Variants in RBIS observed in about 807,000 individuals in gnomAD.
The protein encoded by RBIS is ribosome biogenesis factor identified in screen.
RBIS carries 9 observed loss-of-function variants against 9.8 expected under a neutral mutation model. The ratio of observed to expected loss-of-function variants is 0.92; its 90% CI spans 0.56 to 1.61. The LOEUF is 1.61. RBIS is among the 40% of genes most tolerant of loss of function. RBIS has a pLI of 0.00. For synonymous variants in RBIS, 35 were observed against 37.9 expected, an observed-to-expected ratio of 0.92 and a Z score of 0.28; for missense variants, 103 against 116.0, an observed-to-expected ratio of 0.89 and a Z score of 0.51.
chr8:85,216,972 A>C (rs1392222799), intron 2 of RBIS: 2 of 246,834 alleles, frequency 8.1e-6, no homozygotes, highest in African/African-American at 4.4e-5. Flanking sequence ...TTTTGTTTGA[A>C]TTGCAGATGT....
At chr8:85,217,270 C>A (rs946222009) in intron 2 of RBIS, 116 bp downstream of exon 2, 5 of 736,692 alleles carry the variant, frequency 6.8e-6, no homozygotes, top group East Asian at 2.6e-5. Flanking sequence ...ACCATCCTTA[C>A]CTTTCTAGGA....
At chr8:85,215,261 G>A (rs1587508760) in intron 2 of RBIS, 1 of 260,760 alleles carries the variant, frequency 3.8e-6, no homozygotes, top group East Asian at 8.0e-5. Context: ...TGGTTCAGAA[G>A]GCTAAAATAT....
intron 2 of RBIS, among the ~76,000 whole-genome samples, chr8:85,216,645 T>A (rs1410421927): frequency 1.3e-5 from 2 of 152,182 alleles, no homozygotes; most frequent in African/African-American, 4.8e-5. Flanking sequence ...ATATAAACTG[T>A]CATCCCCAAA....
intron 1 of RBIS, among the ~76,000 whole-genome samples, chr8:85,219,663 A>C (rs1813286985): frequency 6.6e-6 from 1 of 152,142 alleles, no homozygotes; most frequent in Admixed American, 6.6e-5. Context: ...AGACACGAGG[A>C]GGCGGAGGTT....
At chr8:85,220,114 G>A (rs188170806) in intron 1 of RBIS, among the ~76,000 whole-genome samples, 192 bp downstream of exon 1, 3 of 152,220 alleles carry the variant, frequency 2.0e-5, no homozygotes, top group Admixed American at 1.3e-4. Flanking sequence ...GCCCAAAACT[G>A]GGACCCCGTC....
intron 2 of RBIS, chr8:85,216,920 T>C (rs1160831651): frequency 5.8e-6 from 1 of 173,474 alleles, no homozygotes; most frequent in East Asian, 1.5e-4. Context: ...CCCTTTCAAA[T>C]TGTGCATTTC....
chr8:85,216,787 A>C (rs933450081), intron 2 of RBIS: 2 of 152,640 alleles, frequency 1.3e-5, no homozygotes, highest in African/African-American at 4.8e-5. Context: ...TATTATAATT[A>C]AACTGAGTCC....
chr8:85,220,331 T>C lies in RBIS; in HGVS notation c.-29A>G, dbSNP rs1813324250. On this transcript the variant is annotated 5_prime_UTR_variant, in exon 1 of 4. Coordinates refer to ENST00000619594, the MANE Select transcript of RBIS (RefSeq NM_001099673.3). Reference sequence around the variant, plus strand: ...CAGAAGTTTAACACTTGCGTGCAGCTTTTTAAGCTCCAGGTAACACCATCT... The same window carrying C: ...CAGAAGTTTAACACTTGCGTGCAGCCTTTTAAGCTCCAGGTAACACCATCT... The C allele has an allele frequency of 6.6e-6, 1 of 152,256 alleles. No individual in the cohort carries two copies. The highest frequency in any genetic ancestry group is 2.4e-5 in the African/African-American group (1 of 41,460). The allele number at this position is 152,256 out of a possible 1,614,324, so 9.4% of individuals were successfully genotyped here. A position where few individuals can be genotyped will look rare whatever the true frequency, so the allele number is the denominator to read the frequency against.
Position 85,214,242 on chromosome 8 carries a change from A to C in RBIS, c.*318T>G, listed in dbSNP as rs146137158. 94 of 551,170 alleles carry C rather than the reference A, an allele frequency of 1.7e-4. No individual in the cohort carries two copies. In the East Asian group the frequency reaches 4.1e-3, roughly 24 times the overall value. 34.1% of individuals were successfully genotyped at this position (551,170 alleles called of 1,614,324 possible). On this transcript the variant is annotated 3_prime_UTR_variant, in exon 4 of 4. Transcript: ENST00000619594. ...CTTGTCTTATATTTTTACTGCCACT[A>C]AACTGCCTGTATTTCTGTATGTCCT... is the stretch of plus-strand genomic sequence containing the variant.
intron 2 of RBIS, chr8:85,216,884 T>C (rs1813172471): frequency 6.4e-6 from 1 of 157,290 alleles, no homozygotes; most frequent in Non-Finnish European, 1.4e-5. Context: ...CTCAGGTATT[T>C]TGAAATATAA....
In RBIS at chr8:85,214,394, T is replaced by C. The variant is rs1813045417; in HGVS notation, c.*166A>G. 3 of 625,140 alleles carry C rather than the reference T, an allele frequency of 4.8e-6. No homozygotes were observed. The Admixed American group carries it at 9.1e-5, about 19-fold the overall frequency. 38.7% of individuals were successfully genotyped at this position (625,140 alleles called of 1,614,324 possible). On this transcript the variant is annotated 3_prime_UTR_variant, in exon 4 of 4. Transcript: ENST00000619594. ...AGCACTTTAAGTTTATCACATTTTGTTGACTTCTGACATTCCACTTTCCTA... is the reference window on the plus strand; with the variant it reads ...AGCACTTTAAGTTTATCACATTTTGCTGACTTCTGACATTCCACTTTCCTA...
intron 1 of RBIS, 158 bp from the exon 2 acceptor site, chr8:85,217,660 G>A (rs2129825778): frequency 1.6e-6 from 1 of 606,830 alleles, no homozygotes; most frequent in East Asian, 2.8e-5. Flanking sequence ...TTCACTCCTA[G>A]TAGATTTTCT....
chr8:85,214,162 G>A lies in RBIS; in HGVS notation c.*398C>T, dbSNP rs1003152432. On this transcript the variant is annotated 3_prime_UTR_variant, in exon 4 of 4. Coordinates refer to ENST00000619594, the MANE Select transcript of RBIS (RefSeq NM_001099673.3). The stretch of plus-strand genomic sequence containing the variant: ...TCCTTCTGTTTTTTCTTCTTAAGGA[G>A]GAAAGTTAAAGGACACTACAGGTCA... 1 of 537,222 alleles carries A rather than the reference G, an allele frequency of 1.9e-6. No individual in the cohort carries two copies. The highest frequency in any genetic ancestry group is 1.9e-5 in the African/African-American group (1 of 53,378). The allele number at this position is 537,222 out of a possible 1,614,324, so 33.3% of individuals were successfully genotyped here.
In RBIS at chr8:85,214,289, T is replaced by C; in HGVS notation, c.*271A>G. ...TCCTTCTATCCAAACAGACGTTCAC[T>C]GCCACTTGTAAAGTGAAGGATGTAA... On this transcript the variant is annotated 3_prime_UTR_variant, in exon 4 of 4. Coordinates refer to ENST00000619594, the MANE Select transcript of RBIS (RefSeq NM_001099673.3). 1 of 577,442 alleles carries C rather than the reference T, an allele frequency of 1.7e-6. No homozygotes were observed. Among genetic ancestry groups the C allele is most frequent in the Non-Finnish European group, 3.2e-6 (1 of 316,316 alleles). 35.8% of individuals were successfully genotyped at this position (577,442 alleles called of 1,614,324 possible).
intron 2 of RBIS, 110 bp from the exon 3 acceptor site, chr8:85,215,147 T>C (rs1022751185): frequency 2.1e-6 from 1 of 476,172 alleles, no homozygotes; most frequent in African/African-American, 2.0e-5. Context: ...ACCAACAAAT[T>C]AGGGATAATT....
intron 1 of RBIS, 87 bp from the exon 2 acceptor site, chr8:85,217,589 A>G (rs1013830745): frequency 2.5e-6 from 2 of 806,486 alleles, no homozygotes; most frequent in Non-Finnish European, 2.1e-6. Flanking sequence ...AATTAAATCT[A>G]AAAAATTCTA....
chr8:85,217,894 ACTT>A (rs1813213933), intron 1 of RBIS, among the ~76,000 whole-genome samples: 2 of 151,968 alleles, frequency 1.3e-5, no homozygotes, highest in African/African-American at 2.4e-5. Flanking sequence ...CTCCTTCTTG[ACTT>A]CTTTTTTATT....
intron 1 of RBIS, chr8:85,217,783 A>G (rs1029941088): frequency 3.4e-5 from 14 of 417,504 alleles, no homozygotes; most frequent in Non-Finnish European, 5.6e-5. Flanking sequence ...CATCAACACA[A>G]TAACTGTTAT....
In RBIS at chr8:85,214,590, A is replaced by G. The variant is rs998249753; in HGVS notation, c.273T>C (p.Asp91=). 18 of 1,584,612 alleles carry G rather than the reference A, an allele frequency of 1.1e-5. No homozygotes were observed. Among genetic ancestry groups the G allele is most frequent in the Non-Finnish European group, 1.6e-5 (18 of 1,153,768 alleles). Residue 91 remains aspartate, a synonymous_variant, in exon 4 of 4, where the codon GAT becomes GAC. Transcript: ENST00000619594. ...ACAGAGCCATTAATCTTGTAGCTTCATCAACATTAACTGGTTTGCTTTCAT... is the reference window on the plus strand; with the variant it reads ...ACAGAGCCATTAATCTTGTAGCTTCGTCAACATTAACTGGTTTGCTTTCAT... ...QRHESKPVNV[D]EATRLMALL
Sources: gnomAD v4.1 joint callset for allele counts (sites outside exome capture counted in the v4.1 genomes callset) on GRCh38, gnomAD v4.1.1 for gene constraint, MANE v1.5 for transcripts, NCBI Gene and HGNC (gene_info 2026-07-23, HGNC 2026-07-21) for gene names.